SORCS1: variants seen among roughly 807,000 people sequenced by gnomAD.
SORCS1 encodes the protein VPS10 domain-containing receptor SorCS1.
SORCS1 carries 60 observed loss-of-function variants against 146.1 expected under a neutral mutation model. The observed-to-expected ratio is 0.41, with a 90% CI of 0.33 to 0.51. The LOEUF (loss-of-function observed/expected upper bound fraction) is 0.51. SORCS1 is among the 20% of genes least tolerant of loss of function. The pLI is 0.21. For synonymous variants in SORCS1, 637 were observed against 584.0 expected (o/e 1.09, Z -1.31); for missense variants, 1,352 against 1,487.6 (o/e 0.91, Z 1.50).
intron 1 of SORCS1, among the ~76,000 whole-genome samples, chr10:107,155,852 A>G (rs932049610): frequency 6.6e-6 from 1 of 152,146 alleles, no homozygotes; most frequent in African/African-American, 2.4e-5. Context: ...GTCTGATAAC[A>G]TGATTCTTAT....
intron 1 of SORCS1, among the ~76,000 whole-genome samples, chr10:107,014,934 T>C (rs1226317303): frequency 6.6e-6 from 1 of 152,224 alleles, no homozygotes; most frequent in African/African-American, 2.4e-5. Context: ...GGTTGGAATA[T>C]GGTCAGGATC....
At chr10:106,703,987 C>T (rs1854323377) in intron 8 of SORCS1, among the ~76,000 whole-genome samples, 1 of 152,170 alleles carries the variant, frequency 6.6e-6, no homozygotes, top group African/African-American at 2.4e-5. Context: ...TCTGGGAGAA[C>T]AGGAGGAAGA....
intron 18 of SORCS1, among the ~76,000 whole-genome samples, chr10:106,645,419 C>G (rs1849356887): frequency 6.6e-6 from 1 of 152,226 alleles, no homozygotes; most frequent in South Asian, 2.1e-4. Context: ...TCTTGAACTC[C>G]TGACTTCAAG....
At chr10:106,889,888 T>TTAAAAAAAAA (rs1554875507) in intron 2 of SORCS1, among the ~76,000 whole-genome samples, 1 of 71,680 alleles carries the variant, frequency 1.4e-5, no homozygotes, top group African/African-American at 5.2e-5. Flanking sequence ...ACGTCTCAAA[T>TTAAAAAAAAA]AAAAAAAAAA....
At chr10:107,094,147 T>C (rs1964395997) in intron 1 of SORCS1, among the ~76,000 whole-genome samples, 1 of 152,238 alleles carries the variant, frequency 6.6e-6, no homozygotes, top group Non-Finnish European at 1.5e-5. Flanking sequence ...TTTTCTCTTT[T>C]TTAATCAAGA....
intron 1 of SORCS1, among the ~76,000 whole-genome samples, chr10:107,028,348 C>T (rs1958497815): frequency 6.6e-6 from 1 of 152,196 alleles, no homozygotes. Flanking sequence ...GGCTCATATT[C>T]AAACACACTT....
intron 1 of SORCS1, among the ~76,000 whole-genome samples, chr10:107,118,642 A>G (rs1322661412): frequency 6.6e-6 from 1 of 152,222 alleles, no homozygotes; most frequent in East Asian, 1.9e-4. Flanking sequence ...AGATGAATTG[A>G]TATCTAGGTA....
chr10:106,875,790 T>C (rs1950570091), intron 2 of SORCS1, among the ~76,000 whole-genome samples: 1 of 152,164 alleles, frequency 6.6e-6, no homozygotes, highest in Non-Finnish European at 1.5e-5. Context: ...TTGCCCACTT[T>C]TTGATGGTAT....
chr10:106,963,672 G>GT (rs960501674), intron 1 of SORCS1, among the ~76,000 whole-genome samples: 6 of 151,372 alleles, frequency 4.0e-5, no homozygotes, highest in African/African-American at 1.5e-4. Flanking sequence ...TTGAATCCTG[G>GT]GGGGGGGCCA....
rs1298568861 is a variant in SORCS1 at position 106,574,929 on chromosome 10, G to A, written c.*2491C>T. The A allele has an allele frequency of 6.6e-6, 1 of 152,562 alleles. No individual in the cohort carries two copies. The highest frequency in any genetic ancestry group is 6.5e-5 in the Admixed American group (1 of 15,276). The allele number at this position is 152,562 out of a possible 1,614,324, so 9.5% of individuals were successfully genotyped here. ...CCTCTATTTTTAATTAGGATTTACA[G>A]CCCATTCTTCCCTATGTCTTTCCAT... On this transcript the variant is annotated 3_prime_UTR_variant, in exon 26 of 26. Transcript: ENST00000263054.
intron 1 of SORCS1, among the ~76,000 whole-genome samples, chr10:107,153,850 C>G (rs540296037): frequency 1.4e-3 from 214 of 152,162 alleles, no homozygotes; most frequent in Non-Finnish European, 2.7e-3. Flanking sequence ...CACAAGAAAC[C>G]TTGCATAGAA....
At chr10:107,161,170 G>C (rs1590276388) in intron 1 of SORCS1, among the ~76,000 whole-genome samples, 1 of 152,192 alleles carries the variant, frequency 6.6e-6, no homozygotes, top group East Asian at 1.9e-4. Flanking sequence ...GGAAGGAGGT[G>C]AGTGAACCAT....
intron 5 of SORCS1, among the ~76,000 whole-genome samples, chr10:106,740,460 GT>G (rs1162364074): frequency 6.6e-6 from 1 of 152,102 alleles, no homozygotes; most frequent in African/African-American, 2.4e-5. Context: ...GACATTAGGG[GT>G]TTAAAATTGA....
intron 2 of SORCS1, among the ~76,000 whole-genome samples, chr10:106,838,409 ACAAT>A (rs750036966): frequency 6.6e-6 from 1 of 152,190 alleles, no homozygotes; most frequent in Non-Finnish European, 1.5e-5. Context: ...TACATTTGTT[ACAAT>A]CAAAGAACCT....
intron 3 of SORCS1, among the ~76,000 whole-genome samples, chr10:106,818,700 C>T (rs1947866126): frequency 6.6e-6 from 1 of 152,184 alleles, no homozygotes; most frequent in Non-Finnish European, 1.5e-5. Flanking sequence ...TGGAAATTAA[C>T]ATGTTTTACG....
At chr10:107,017,607 C>T (rs971321594) in intron 1 of SORCS1, among the ~76,000 whole-genome samples, 1 of 152,190 alleles carries the variant, frequency 6.6e-6, no homozygotes, top group African/African-American at 2.4e-5. Flanking sequence ...CTATTGCCTT[C>T]TTCCCCAAAG....
intron 1 of SORCS1, among the ~76,000 whole-genome samples, chr10:106,976,004 G>A (rs999905656): frequency 1.3e-5 from 2 of 151,824 alleles, no homozygotes; most frequent in African/African-American, 4.8e-5. Context: ...AAAAATTGGC[G>A]GGCAGTGGTG....
At chr10:106,751,400 C>T (rs1391201040) in intron 5 of SORCS1, among the ~76,000 whole-genome samples, 1 of 152,164 alleles carries the variant, frequency 6.6e-6, no homozygotes, top group Non-Finnish European at 1.5e-5. Context: ...AAAGTCCATT[C>T]TCAAAGAAAA....
At chr10:106,991,339 G>C (rs1434130327) in intron 1 of SORCS1, among the ~76,000 whole-genome samples, 1 of 152,232 alleles carries the variant, frequency 6.6e-6, no homozygotes, top group East Asian at 1.9e-4. Flanking sequence ...TGGATAGGAA[G>C]ATGACACCCA....
Sources: allele counts gnomAD v4.1 joint callset (sites outside exome capture counted in the v4.1 genomes callset), GRCh38; gene constraint gnomAD v4.1.1; transcripts MANE v1.5; gene names NCBI Gene and HGNC (gene_info 2026-07-23, HGNC 2026-07-21).